The following KLHL14 variants were observed in gnomAD, a reference collection of about 807,000 sequenced individuals.
KLHL14 encodes kelch like family member 14, also known as kelch-like protein 14.
KLHL14 carries 22 observed loss-of-function variants against 64.3 expected under a neutral mutation model. The observed-to-expected ratio is 0.34, with a 90% CI of 0.24 to 0.49. The LOEUF is 0.49. Ranked by LOEUF, KLHL14 falls within the 20% of genes least tolerant of loss-of-function variation. KLHL14 has a pLI of 0.99. For missense variants in KLHL14, 661 were observed against 789.0 expected (o/e 0.84, Z 1.94); for synonymous variants, 322 against 333.4 (o/e 0.97, Z 0.37).
intron 2 of KLHL14, among the ~76,000 whole-genome samples, chr18:32,759,397 T>C (rs1598579329): frequency 1.3e-5 from 2 of 152,106 alleles, no homozygotes; most frequent in South Asian, 4.1e-4. Flanking sequence ...GAAAGGCAAA[T>C]ATATATATAA....
chr18:32,722,868 T>C (rs2050086604), intron 3 of KLHL14, among the ~76,000 whole-genome samples: 1 of 152,048 alleles, frequency 6.6e-6, no homozygotes, highest in African/African-American at 2.4e-5. Flanking sequence ...GGTGGGAGGA[T>C]TGCTTGAGCC....
chr18:32,740,796 G>C (rs2050192458), intron 3 of KLHL14: 2 of 152,058 alleles, frequency 1.3e-5, no homozygotes. Context: ...GTAGCGCATT[G>C]GTGTCCAGGG....
intron 7 of KLHL14, among the ~76,000 whole-genome samples, chr18:32,677,677 A>G (rs2049818392): frequency 6.6e-6 from 1 of 152,192 alleles, no homozygotes; most frequent in Non-Finnish European, 1.5e-5. Context: ...CACTTACAAT[A>G]TGCTAGTTTT....
intron 5 of KLHL14, 29 bp downstream of exon 5, chr18:32,687,126 C>T (rs781157756): frequency 2.1e-5 from 34 of 1,583,444 alleles, no homozygotes; most frequent in Admixed American, 1.8e-4. Flanking sequence ...CCGTCACAAA[C>T]GTTTCAGGTG....
intron 4 of KLHL14, 130 bp from the exon 5 acceptor site, chr18:32,687,363 C>T (rs2049884520): frequency 8.1e-6 from 6 of 738,958 alleles, no homozygotes; most frequent in South Asian, 7.7e-5. Flanking sequence ...GAATACCTAA[C>T]ACAGCACGGG....
At chr18:32,720,591 CT>C (rs1433231698) in intron 3 of KLHL14, among the ~76,000 whole-genome samples, 1 of 152,120 alleles carries the variant, frequency 6.6e-6, no homozygotes, top group African/African-American at 2.4e-5. Flanking sequence ...CCCAACAATT[CT>C]TATGGCTGCT....
At chr18:32,764,334 C>G (rs2050329477) in intron 2 of KLHL14, among the ~76,000 whole-genome samples, 1 of 152,042 alleles carries the variant, frequency 6.6e-6, no homozygotes, top group Non-Finnish European at 1.5e-5. Context: ...TATTTAGCTT[C>G]CGAGGATCAC....
chr18:32,691,736 G>C (rs2049908716), intron 4 of KLHL14, among the ~76,000 whole-genome samples: 1 of 152,194 alleles, frequency 6.6e-6, no homozygotes, highest in African/African-American at 2.4e-5. Context: ...GATGCTACCA[G>C]CAGCTTGAGA....
chr18:32,726,017 A>G (rs1568075366), intron 3 of KLHL14, among the ~76,000 whole-genome samples: 1 of 152,252 alleles, frequency 6.6e-6, no homozygotes, highest in Admixed American at 6.5e-5. Flanking sequence ...AGTTACTACT[A>G]TCAGTATTGT....
At chr18:32,676,905 G>A (rs879633556) in intron 8 of KLHL14, among the ~76,000 whole-genome samples, 24 of 152,070 alleles carry the variant, frequency 1.6e-4, no homozygotes, top group Non-Finnish European at 2.6e-4. Context: ...ACCTCAGTTT[G>A]ACTTTCAGTT....
chr18:32,704,424 T>C (rs2049980452), intron 3 of KLHL14, among the ~76,000 whole-genome samples: 1 of 152,074 alleles, frequency 6.6e-6, no homozygotes, highest in Admixed American at 6.6e-5. Flanking sequence ...GAAGGTCTAA[T>C]TGAGAATCAT....
intron 2 of KLHL14, among the ~76,000 whole-genome samples, chr18:32,768,156 G>A (rs1022657320): frequency 5.9e-5 from 9 of 152,016 alleles, no homozygotes; most frequent in Admixed American, 4.6e-4. Flanking sequence ...AAAAGCACAC[G>A]GGGATTTGGA....
chr18:32,713,180 A>G (rs529644283), intron 3 of KLHL14, among the ~76,000 whole-genome samples: 193 of 152,312 alleles, frequency 1.3e-3, no homozygotes, highest in Middle Eastern at 6.8e-3. Flanking sequence ...AGCCTAAAAT[A>G]TCTACTGTCC....
chr18:32,740,148 C>T (rs1043861801), intron 3 of KLHL14, among the ~76,000 whole-genome samples: 4 of 152,116 alleles, frequency 2.6e-5, no homozygotes, highest in Admixed American at 6.5e-5. Context: ...CCAAGCAGAG[C>T]GTTAATTCAG....
rs745666252 is a variant in KLHL14 at position 32,769,880 on chromosome 18, G to T, written c.712C>A (p.Leu238Ile). The change falls in exon 2 of 9, where the codon CTC becomes ATC. Residue 238 changes from leucine (L) to isoleucine (I), a missense_variant. This residue lies in a region of KLHL14 where 331 missense variants were observed against 339.0 expected (regional missense o/e 0.98). Transcript: ENST00000359358. ...LPPPVESELALFQMSVLWLEH... is the reference protein window; with the variant it reads ...LPPPVESELAIFQMSVLWLEH... Reference sequence around the variant, plus strand: ...AGCCACAGCACGGACATCTGGAAGAGCGCCAGCTCCGACTCCACGGGGGGC... The same window carrying T: ...AGCCACAGCACGGACATCTGGAAGATCGCCAGCTCCGACTCCACGGGGGGC... The T allele has an allele frequency of 6.2e-7, 1 of 1,614,024 alleles. No individual in the cohort carries two copies.
At chr18:32,701,721 C>T (rs1022945192) in intron 3 of KLHL14, among the ~76,000 whole-genome samples, 3 of 152,082 alleles carry the variant, frequency 2.0e-5, no homozygotes, top group Non-Finnish European at 2.9e-5. Context: ...GGCAGAGGTT[C>T]CTTCTGTGAT....
chr18:32,684,812 T>G (rs1479237719), intron 5 of KLHL14, among the ~76,000 whole-genome samples: 1 of 152,074 alleles, frequency 6.6e-6, no homozygotes, highest in Non-Finnish European at 1.5e-5. Context: ...TCCTCCTTTT[T>G]TAAACCACCA....
intron 3 of KLHL14, 26 bp downstream of exon 3, chr18:32,741,902 A>T: frequency 6.6e-7 from 1 of 1,513,904 alleles, no homozygotes; most frequent in Non-Finnish European, 8.9e-7. Context: ...TAGGTGAGTG[A>T]ATAAATAAAT....
chr18:32,740,646 A>T (rs1417980678), intron 3 of KLHL14: 1 of 152,076 alleles, frequency 6.6e-6, no homozygotes, highest in Non-Finnish European at 1.5e-5. Context: ...TTGGCCACTC[A>T]CTCCGATGTT....
Sources: allele counts gnomAD v4.1 joint callset (sites outside exome capture counted in the v4.1 genomes callset), GRCh38; gene constraint gnomAD v4.1.1; regional missense constraint gnomAD v4.1.1; transcripts MANE v1.5; gene names NCBI Gene and HGNC (gene_info 2026-07-23, HGNC 2026-07-21).